The following ERLIN1 variants were observed in gnomAD, a reference collection of about 807,000 sequenced individuals.
ERLIN1 encodes the protein ER lipid raft associated 1, also known as erlin-1.
Under a neutral mutation model 46.9 loss-of-function variants are expected in ERLIN1, and 24 were observed. That is an observed-to-expected ratio of 0.51 (90% CI 0.37 to 0.72). ERLIN1 has a LOEUF of 0.72. Ranked by LOEUF, ERLIN1 falls within the 30% of genes least tolerant of loss-of-function variation. The pLI is 0.00. For missense variants in ERLIN1, 293 were observed against 417.9 expected (o/e 0.70, Z 2.61); for synonymous variants, 158 against 143.2 (o/e 1.10, Z -0.74).
chr10:100,181,372 A>T (rs1398848296), intron 2 of ERLIN1, among the ~76,000 whole-genome samples: 1 of 152,172 alleles, frequency 6.6e-6, no homozygotes, highest in Non-Finnish European at 1.5e-5. Context: ...TTCTTTTTAC[A>T]TCATATATGG....
intron 10 of ERLIN1, among the ~76,000 whole-genome samples, chr10:100,153,420 T>C (rs149949758): frequency 7.8e-4 from 119 of 152,334 alleles, no homozygotes; most frequent in African/African-American, 2.7e-3. Context: ...TTAAAACCCA[T>C]TTCCACTGTT....
Position 100,167,352 on chromosome 10 carries a change from A to G in ERLIN1, c.559T>C (p.Leu187=). Residue 187 remains leucine (L), a synonymous_variant, in exon 7 of 11, where the codon TTA becomes CTA. Transcript: ENST00000421367. ...GATCCCATGCATATTACTCACATTA[A>G]CTCAAAATTTCTTCTTATGGCTTCT... The part of the protein sequence containing the change: ...IPEAIRRNFE[L]MEAEKTKLLI... The G allele has an allele frequency of 1.9e-6, 3 of 1,611,124 alleles. No individual in the cohort carries two copies. The highest frequency in any genetic ancestry group is 2.5e-6 in the Non-Finnish European group (3 of 1,177,442).
At chr10:100,155,716 G>A (rs1338657787) in intron 9 of ERLIN1, among the ~76,000 whole-genome samples, 3 of 152,068 alleles carry the variant, frequency 2.0e-5, no homozygotes, top group African/African-American at 7.2e-5. Flanking sequence ...GGGTTTCACC[G>A]TTTTAGCCGG....
At chr10:100,160,511 G>C (rs963745993) in intron 8 of ERLIN1, among the ~76,000 whole-genome samples, 13 of 152,050 alleles carry the variant, frequency 8.5e-5, no homozygotes, top group Admixed American at 7.9e-4. Context: ...AAATTCTAAA[G>C]AAATTATCAG....
At chr10:100,175,105 G>A (rs1336145680) in intron 5 of ERLIN1, among the ~76,000 whole-genome samples, 1 of 152,184 alleles carries the variant, frequency 6.6e-6, no homozygotes, top group East Asian at 1.9e-4. Context: ...CTCATTCCCT[G>A]GTCAGAACTT....
Position 100,178,264 on chromosome 10 carries a change from G to A in ERLIN1, c.243-70C>T, listed in dbSNP as rs3750708. 39,482 of 948,612 alleles carry A rather than the reference G, an allele frequency of 0.042. 1,780 individuals are homozygous for A. The highest frequency in any genetic ancestry group is 0.18 in the African/African-American group (10,590 of 60,390). 58.8% of individuals were successfully genotyped at this position (948,612 alleles called of 1,614,324 possible). A position where few individuals can be genotyped will look rare whatever the true frequency, so the allele number is the denominator to read the frequency against. On this transcript the variant is annotated intron_variant, in intron 3 of 10. Transcript: ENST00000421367. ...AAAACACAGTTATAGATAGACCTGGGGAGAAGCTGATAATGAAACATACTA... is the reference window on the plus strand; with the variant it reads ...AAAACACAGTTATAGATAGACCTGGAGAGAAGCTGATAATGAAACATACTA...
intron 6 of ERLIN1, among the ~76,000 whole-genome samples, chr10:100,168,346 T>C (rs974588431): frequency 2.6e-5 from 4 of 152,190 alleles, no homozygotes; most frequent in Non-Finnish European, 5.9e-5. Context: ...ATGAAATAGA[T>C]GAGTCAAATT....
At chr10:100,153,354 G>A (rs1842907968) in intron 10 of ERLIN1, among the ~76,000 whole-genome samples, 1 of 152,072 alleles carries the variant, frequency 6.6e-6, no homozygotes, top group African/African-American at 2.4e-5. Context: ...ACACTGTTTT[G>A]TTTTGTCTAA....
chr10:100,167,504 AAAC>A (rs2134137595), intron 6 of ERLIN1, 98 bp from the exon 7 acceptor site: 1 of 920,794 alleles, frequency 1.1e-6, no homozygotes, highest in South Asian at 1.5e-5. Context: ...CTAATCTAAT[AAAC>A]AACAGCTATA....
chr10:100,177,866 A>G (rs1844398926), intron 4 of ERLIN1, among the ~76,000 whole-genome samples: 1 of 152,210 alleles, frequency 6.6e-6, no homozygotes, highest in South Asian at 2.1e-4. Context: ...GACTGGATAA[A>G]ATACTACTTT....
At chr10:100,165,048 G>A (rs559757644) in intron 7 of ERLIN1, among the ~76,000 whole-genome samples, 1 of 152,282 alleles carries the variant, frequency 6.6e-6, no homozygotes, top group African/African-American at 2.4e-5. Context: ...TACTAAACCT[G>A]TAATGGAAAT....
chr10:100,161,364 A>G (rs775015730), intron 8 of ERLIN1, among the ~76,000 whole-genome samples: 1 of 152,246 alleles, frequency 6.6e-6, no homozygotes, highest in Non-Finnish European at 1.5e-5. Flanking sequence ...ATAAAGGTAT[A>G]TAAGAACAAA....
intron 2 of ERLIN1, among the ~76,000 whole-genome samples, chr10:100,179,677 G>C (rs367884112): frequency 2.0e-5 from 3 of 152,116 alleles, no homozygotes; most frequent in African/African-American, 7.2e-5. Flanking sequence ...GGCTGGTCTT[G>C]AACTCCTGGC....
At chr10:100,171,340 AT>A (rs1843983324) in intron 6 of ERLIN1, among the ~76,000 whole-genome samples, 1 of 152,212 alleles carries the variant, frequency 6.6e-6, no homozygotes, top group African/African-American at 2.4e-5. Context: ...GAAAAAGTTT[AT>A]TTTTAAAAAC....
At chr10:100,165,667 A>G (rs571514688) in intron 7 of ERLIN1, among the ~76,000 whole-genome samples, 32 of 152,244 alleles carry the variant, frequency 2.1e-4, no homozygotes, top group Middle Eastern at 3.4e-3. Context: ...GATTACAGGC[A>G]TGAGCCACCG....
At chr10:100,175,305 C>T (rs12268112) in intron 5 of ERLIN1, among the ~76,000 whole-genome samples, 11,390 of 152,238 alleles carry the variant, frequency 0.075, 772 homozygotes, top group African/African-American at 0.17. Flanking sequence ...TACAATGTGG[C>T]TTATGCCAAA....
chr10:100,180,268 C>G (rs1458336936), intron 2 of ERLIN1, among the ~76,000 whole-genome samples: 1 of 152,178 alleles, frequency 6.6e-6, no homozygotes, highest in Non-Finnish European at 1.5e-5. Context: ...TCTAGACATA[C>G]TGCATCTTAT....
At position 100,150,554 on chromosome 10, in the gene ERLIN1, T is replaced by C. The variant is rs116580012; in HGVS notation, c.*1577A>G. ...AATTAAATGAGCAAAAATGAAAAAT[T>C]ATTTTCTCCATATTACAAATGCCTC... On this transcript the variant is annotated 3_prime_UTR_variant, in exon 11 of 11. Transcript: ENST00000421367. The C allele has an allele frequency of 6.5e-6, 1 of 152,752 alleles. No homozygotes were observed. The highest frequency in any genetic ancestry group is 2.4e-5 in the African/African-American group (1 of 41,562). The allele number at this position is 152,752 out of a possible 1,614,324, so 9.5% of individuals were successfully genotyped here.
chr10:100,185,551 G>C lies in ERLIN1; in HGVS notation c.76C>G (p.His26Asp), dbSNP rs370785461. ...LVAVLLYASI[H>D]KIEEGHLAVY... The stretch of plus-strand genomic sequence containing the variant: ...GCCAGATGGCCCTCCTCAATCTTGT[G>C]GATGGAGGCGTAGAGCAGGACAGCC... The change falls in exon 1 of 11, where the codon CAC (histidine) becomes GAC (aspartate). Residue 26 changes from histidine (H) to aspartate (D), a missense_variant. Coordinates refer to ENST00000421367, the MANE Select transcript of ERLIN1 (RefSeq NM_006459.4). 43 of 1,613,744 alleles carry C rather than the reference G, an allele frequency of 2.7e-5. No individual in the cohort carries two copies. The highest frequency in any genetic ancestry group is 2.4e-5 in the Non-Finnish European group (28 of 1,179,744).
Sources: allele counts gnomAD v4.1 joint callset (sites outside exome capture counted in the v4.1 genomes callset), GRCh38; gene constraint gnomAD v4.1.1; transcripts MANE v1.5; gene names NCBI Gene and HGNC (gene_info 2026-07-23, HGNC 2026-07-21).